The following ANKRD28 variants were observed in gnomAD, a reference collection of about 807,000 sequenced individuals.
ANKRD28 encodes the protein serine/threonine-protein phosphatase 6 regulatory ankyrin repeat subunit A.
A neutral mutation model predicts 126.5 loss-of-function variants in ANKRD28; 44 were observed. That is an observed-to-expected ratio of 0.35 (90% CI 0.27 to 0.45). The LOEUF (loss-of-function observed/expected upper bound fraction) is 0.45, where lower values mean the gene tolerates loss of function less well. ANKRD28 is among the 20% of genes least tolerant of loss of function. ANKRD28 has a pLI of 1.00. For synonymous variants in ANKRD28, 442 were observed against 468.5 expected (o/e 0.94, Z 0.73); for missense variants, 1,110 against 1,316.6 (o/e 0.84, Z 2.43).
At chr3:15,750,980 C>T (rs2125365265) in intron 4 of ANKRD28, among the ~76,000 whole-genome samples, 1 of 150,790 alleles carries the variant, frequency 6.6e-6, no homozygotes, top group East Asian at 1.9e-4. Flanking sequence ...GTACTTTGGA[C>T]ACAATGCATT....
intron 1 of ANKRD28, among the ~76,000 whole-genome samples, chr3:15,806,477 G>A (rs1038693761): frequency 6.6e-6 from 1 of 151,862 alleles, no homozygotes; most frequent in African/African-American, 2.4e-5. Context: ...TTACCTCTTA[G>A]AAGGCAGCTA....
intron 10 of ANKRD28, among the ~76,000 whole-genome samples, chr3:15,712,742 G>A (rs2072479649): frequency 6.6e-6 from 1 of 152,172 alleles, no homozygotes; most frequent in Non-Finnish European, 1.5e-5. Flanking sequence ...TGAATATATT[G>A]TGAAATCTTT....
At chr3:15,852,831 T>TC (rs1364815962) in intron 1 of ANKRD28, among the ~76,000 whole-genome samples, 2 of 26,056 alleles carry the variant, frequency 7.7e-5, no homozygotes, top group Admixed American at 6.7e-4. Flanking sequence ...AGACTCTGTC[T>TC]CAAAAAAAAA....
chr3:15,743,915 TTC>T (rs1207610009), intron 4 of ANKRD28, among the ~76,000 whole-genome samples: 1 of 152,222 alleles, frequency 6.6e-6, no homozygotes, highest in East Asian at 1.9e-4. Flanking sequence ...GTGCTAGCTA[TTC>T]TGTCCTTAGG....
intron 24 of ANKRD28, 119 bp from the exon 25 acceptor site, chr3:15,677,681 T>C: frequency 1.7e-6 from 1 of 597,150 alleles, no homozygotes; most frequent in Non-Finnish European, 2.9e-6. Context: ...AAAACTTAAG[T>C]ACAAGAAAAA....
chr3:15,844,640 TA>T (rs1435778326), intron 1 of ANKRD28, among the ~76,000 whole-genome samples: 1 of 152,158 alleles, frequency 6.6e-6, no homozygotes, highest in East Asian at 1.9e-4. Flanking sequence ...CTTTAATAGT[TA>T]AAACATAGGA....
In ANKRD28 at chr3:15,762,207, A is replaced by C. The variant is rs1258190041; in HGVS notation, c.280+4027T>G. Among the ~76,000 whole-genome samples, 12 of 33,152 alleles carry C rather than the reference A, an allele frequency of 3.6e-4. No individual in the cohort carries two copies. The East Asian group carries it at 0.011, about 30-fold the overall frequency. The allele number at this position is 33,152 out of a possible 152,430, so 21.7% of individuals were successfully genotyped here. Reference sequence around the variant, plus strand: ...TGTCTTTAAAAAAAAAAAAAAAAAAAAAAAAACAAAACAAAAAAAAAAAAA... The same window carrying C: ...TGTCTTTAAAAAAAAAAAAAAAAAACAAAAAACAAAACAAAAAAAAAAAAA... On this transcript the variant is annotated intron_variant, in intron 3 of 27. Transcript: ENST00000683139.
At chr3:15,764,750 C>A (rs944311686) in intron 3 of ANKRD28, among the ~76,000 whole-genome samples, 3 of 152,156 alleles carry the variant, frequency 2.0e-5, no homozygotes, top group South Asian at 4.2e-4. Context: ...TTTTGTCAAC[C>A]TCCTCAGTTC....
At position 15,796,515 on chromosome 3, in the gene ANKRD28, G is replaced by A. The variant is rs577552940; in HGVS notation, c.7C>T (p.Arg3Ter). ...TCCTCCAAAACAACAATACACACTC[G>A]ACTCATTCGATCTTTTAAAACACTA... MS[R>*]VCIVVLEEVE... Residue 3 changes from arginine (R) to a stop codon, truncating the protein, a stop_gained, in exon 1 of 28, where the codon CGA (arginine) becomes TGA (stop). Transcript: ENST00000683139. LOFTEE classifies it high-confidence loss of function. 7.0e-6 allele frequency: 9 copies of A among 1,283,276 alleles called. No individual in the cohort carries two copies. Among genetic ancestry groups the A allele is most frequent in the South Asian group, 1.3e-5 (1 of 79,848 alleles). 79.5% of individuals were successfully genotyped at this position (1,283,276 alleles called of 1,614,324 possible).
In ANKRD28 at chr3:15,668,573, T is replaced by A. The variant is rs966237910; in HGVS notation, c.*1697A>T. On this transcript the variant is annotated 3_prime_UTR_variant, in exon 28 of 28. Coordinates refer to ENST00000683139, the MANE Select transcript of ANKRD28 (RefSeq NM_001349278.2). ...CCTAGAAACTTTATAGATTTGTAGA[T>A]AATATGCACAGATACAAATACATTA... 3 of 152,574 alleles carry A rather than the reference T, an allele frequency of 2.0e-5. No individual in the cohort carries two copies. Among genetic ancestry groups the A allele is most frequent in the African/African-American group, 7.2e-5 (3 of 41,438 alleles). 9.5% of individuals were successfully genotyped at this position (152,574 alleles called of 1,614,324 possible). A position where few individuals can be genotyped will look rare whatever the true frequency, so the allele number is the denominator to read the frequency against.
chr3:15,698,713 A>G (rs2070065353), intron 14 of ANKRD28, among the ~76,000 whole-genome samples: 1 of 152,180 alleles, frequency 6.6e-6, no homozygotes, highest in Non-Finnish European at 1.5e-5. Flanking sequence ...AGGCAGAACT[A>G]CAAACCACTG....
chr3:15,780,612 A>C (rs2059496555), intron 2 of ANKRD28, among the ~76,000 whole-genome samples: 1 of 152,182 alleles, frequency 6.6e-6, no homozygotes, highest in South Asian at 2.1e-4. Flanking sequence ...TGAATAGTTA[A>C]AAACAATAAC....
At chr3:15,758,889 AT>A (rs1219895775) in intron 3 of ANKRD28, among the ~76,000 whole-genome samples, 1 of 152,198 alleles carries the variant, frequency 6.6e-6, no homozygotes, top group Non-Finnish European at 1.5e-5. Flanking sequence ...TAAGGAGAGT[AT>A]TTTTTATAAA....
chr3:15,689,342 G>T (rs2068512589), intron 18 of ANKRD28, among the ~76,000 whole-genome samples: 1 of 152,310 alleles, frequency 6.6e-6, no homozygotes, highest in South Asian at 2.1e-4. Context: ...CTGGAGAAAT[G>T]CCTTCAAAGA....
chr3:15,844,932 T>C (rs2061499129), intron 1 of ANKRD28, among the ~76,000 whole-genome samples: 1 of 152,166 alleles, frequency 6.6e-6, no homozygotes, highest in Non-Finnish European at 1.5e-5. Flanking sequence ...AGCATAGCGG[T>C]TTCTGCTTCT....
chr3:15,674,583 G>A (rs1289102207), intron 27 of ANKRD28, among the ~76,000 whole-genome samples: 2 of 152,226 alleles, frequency 1.3e-5, no homozygotes, highest in Middle Eastern at 6.8e-3. Flanking sequence ...GAGAAGTCTG[G>A]GCTGGAGATA....
At chr3:15,772,008 G>C (rs1301062887) in intron 2 of ANKRD28, among the ~76,000 whole-genome samples, 1 of 152,060 alleles carries the variant, frequency 6.6e-6, no homozygotes, top group Non-Finnish European at 1.5e-5. Flanking sequence ...AAGTCTCCAA[G>C]AACATTAGAA....
intron 4 of ANKRD28, among the ~76,000 whole-genome samples, chr3:15,746,333 C>T (rs2654653): frequency 0.82 from 124,007 of 152,138 alleles, 50,676 homozygotes; most frequent in East Asian, 0.93. Flanking sequence ...CAGTAAAATG[C>T]TGGATGCGAG....
At chr3:15,819,889 C>A (rs1336800585) in intron 1 of ANKRD28, among the ~76,000 whole-genome samples, 1 of 152,104 alleles carries the variant, frequency 6.6e-6, no homozygotes, top group Non-Finnish European at 1.5e-5. Context: ...AGGTTTAGAA[C>A]CAATCATAGG....
Sources: allele counts gnomAD v4.1 joint callset (sites outside exome capture counted in the v4.1 genomes callset), GRCh38; gene constraint gnomAD v4.1.1; transcripts MANE v1.5; gene names NCBI Gene and HGNC (gene_info 2026-07-23, HGNC 2026-07-21).